Variants in ZEB1 observed in about 807,000 individuals in gnomAD.
ZEB1 encodes the protein zinc finger E-box binding homeobox 1, also known as zinc finger E-box-binding homeobox 1.
ZEB1 carries 21 observed loss-of-function variants against 84.9 expected under a neutral mutation model. The ratio of observed to expected loss-of-function variants is 0.25; its 90% confidence interval spans 0.18 to 0.36. ZEB1 has a LOEUF of 0.36. Among genes scored for constraint, ZEB1 ranks in the 10% least tolerant of loss-of-function variants. The pLI is 1.00. For missense variants in ZEB1, 1,104 were observed against 1,330.2 expected (o/e 0.83, Z 2.65); for synonymous variants, 420 against 471.1 (o/e 0.89, Z 1.41).
chr10:31,461,836 T>C (rs908486943), intron 2 of ZEB1, among the ~76,000 whole-genome samples: 1 of 152,176 alleles, frequency 6.6e-6, no homozygotes, highest in Non-Finnish European at 1.5e-5. Context: ...AATGGAGAAA[T>C]TGGACCTAGT....
rs898827705 is a variant in ZEB1, at chr10:31,529,037, C to T, written c.*1773C>T. The T allele has an allele frequency of 6.6e-6, 1 of 152,130 alleles. No individual in the cohort carries two copies. The highest frequency in any genetic ancestry group is 6.5e-5 in the Admixed American group (1 of 15,276). The allele number at this position is 152,130 out of a possible 1,614,324, so 9.4% of individuals were successfully genotyped here. The stretch of plus-strand genomic sequence containing the variant: ...CCAAATTAGGATTAACTTCTATAAA[C>T]AGTGTTGGGAACAATGTTTAACATT... On this transcript the variant is annotated 3_prime_UTR_variant, in exon 9 of 9. Transcript: ENST00000424869.
chr10:31,514,781 A>C (rs934287755), intron 6 of ZEB1, 73 bp downstream of exon 6: 7 of 1,228,352 alleles, frequency 5.7e-6, no homozygotes, highest in Non-Finnish European at 8.2e-6. Context: ...CATAACATGT[A>C]ATCTACGTAC....
intron 1 of ZEB1, among the ~76,000 whole-genome samples, chr10:31,325,287 A>G (rs1256562794): frequency 6.6e-6 from 1 of 152,166 alleles, no homozygotes; most frequent in East Asian, 1.9e-4. Flanking sequence ...AAATGGAAAG[A>G]TTATGAAAGG....
chr10:31,440,901 A>C (rs187797225), intron 1 of ZEB1, among the ~76,000 whole-genome samples: 2,267 of 152,300 alleles, frequency 0.015, 44 homozygotes, highest in African/African-American at 0.052. Context: ...TCAAGGAAAT[A>C]AAAGAGGATA....
At chr10:31,456,509 G>C (rs2061259166) in intron 1 of ZEB1, among the ~76,000 whole-genome samples, 2 of 152,150 alleles carry the variant, frequency 1.3e-5, no homozygotes, top group Admixed American at 6.5e-5. Context: ...ATCTGCAGTG[G>C]TAAATTGTTA....
chr10:31,372,823 A>G (rs2045949555), intron 1 of ZEB1, among the ~76,000 whole-genome samples: 1 of 151,902 alleles, frequency 6.6e-6, no homozygotes, highest in South Asian at 2.1e-4. Context: ...TGAGGGATTG[A>G]AATTTTCTTA....
intron 1 of ZEB1, among the ~76,000 whole-genome samples, chr10:31,337,057 A>G (rs1353848361): frequency 2.0e-5 from 3 of 152,146 alleles, no homozygotes; most frequent in African/African-American, 4.8e-5. Flanking sequence ...AAAATAAATA[A>G]TAGGATAAGT....
chr10:31,432,656 A>G (rs1271446695), intron 1 of ZEB1, among the ~76,000 whole-genome samples: 1 of 152,200 alleles, frequency 6.6e-6, no homozygotes, highest in Non-Finnish European at 1.5e-5. Context: ...AAATTCTACA[A>G]TTCTCAAAAG....
intron 1 of ZEB1, among the ~76,000 whole-genome samples, chr10:31,371,535 A>C (rs1276274237): frequency 6.6e-6 from 1 of 152,190 alleles, no homozygotes; most frequent in African/African-American, 2.4e-5. Context: ...CTTGATATAA[A>C]GTCTTCTCAG....
chr10:31,319,570 A>AGCCGGC lies in ZEB1; in HGVS notation c.58+283_58+288dup, dbSNP rs528801030. The AGCCGGC allele has an allele frequency of 6.1e-3, 2,475 of 405,488 alleles. 62 individuals are homozygous for AGCCGGC. The highest frequency in any genetic ancestry group is 0.051 in the African/African-American group (2,293 of 44,834). 25.1% of individuals were successfully genotyped at this position (405,488 alleles called of 1,614,324 possible). On this transcript the variant is annotated intron_variant, in intron 1 of 8. Transcript: ENST00000424869. ...GCCCCTGCCGCCTCCCTGGACCGTTAGCCGGCGCCGACGCCGCCGCATCCC... is the reference window on the plus strand; with the variant it reads ...GCCCCTGCCGCCTCCCTGGACCGTTAGCCGGCGCCGGCGCCGACGCCGCCGCATCCC...
intron 1 of ZEB1, among the ~76,000 whole-genome samples, chr10:31,457,974 T>C: frequency 6.6e-6 from 1 of 152,098 alleles, no homozygotes; most frequent in African/African-American, 2.4e-5. Context: ...AAGGTAAGAA[T>C]GGCATCAGCA....
At chr10:31,445,363 A>G (rs1236436354) in intron 1 of ZEB1, among the ~76,000 whole-genome samples, 4 of 149,654 alleles carry the variant, frequency 2.7e-5, no homozygotes, top group Non-Finnish European at 5.9e-5. Flanking sequence ...GTCTGCAAAC[A>G]GGGACAATTT....
chr10:31,503,322 A>G (rs2068431445), intron 4 of ZEB1, among the ~76,000 whole-genome samples: 1 of 152,148 alleles, frequency 6.6e-6, no homozygotes, highest in Non-Finnish European at 1.5e-5. Context: ...TTTGTTATTC[A>G]TTACTTTCAG....
At chr10:31,325,499 A>G (rs376735422) in intron 1 of ZEB1, among the ~76,000 whole-genome samples, 5 of 152,042 alleles carry the variant, frequency 3.3e-5, no homozygotes, top group Admixed American at 2.6e-4. Flanking sequence ...ATTTATTGAG[A>G]CTTGGTACAT....
At chr10:31,448,232 C>T (rs1197810303) in intron 1 of ZEB1, among the ~76,000 whole-genome samples, 4 of 132,102 alleles carry the variant, frequency 3.0e-5, no homozygotes, top group African/African-American at 9.5e-5. Flanking sequence ...GCATTCTTCA[C>T]GTAGTTCTCG....
chr10:31,337,683 G>GTTT (rs756379165), intron 1 of ZEB1, among the ~76,000 whole-genome samples: 3,546 of 98,562 alleles, frequency 0.036, 284 homozygotes, highest in African/African-American at 0.12. Context: ...ATTTCTTTCT[G>GTTT]TTTTTTTTTT....
At chr10:31,404,415 G>A (rs575531138) in intron 1 of ZEB1, among the ~76,000 whole-genome samples, 48 of 152,128 alleles carry the variant, frequency 3.2e-4, no homozygotes, top group African/African-American at 1.1e-3. Flanking sequence ...CAACTTTGTA[G>A]CCTTGAAATC....
chr10:31,428,557 T>C (rs543610585), intron 1 of ZEB1, among the ~76,000 whole-genome samples: 6 of 152,370 alleles, frequency 3.9e-5, no homozygotes, highest in African/African-American at 1.2e-4. Context: ...TGGAGAGTTC[T>C]GTAAATATCT....
intron 2 of ZEB1, among the ~76,000 whole-genome samples, chr10:31,478,604 T>G (rs1191167482): frequency 1.3e-5 from 2 of 152,004 alleles, no homozygotes; most frequent in Non-Finnish European, 2.9e-5. Flanking sequence ...TCAACCTAAG[T>G]GTATATCAGT....
Sources: allele counts gnomAD v4.1 joint callset (sites outside exome capture counted in the v4.1 genomes callset), GRCh38; gene constraint gnomAD v4.1.1; transcripts MANE v1.5; gene names NCBI Gene and HGNC (gene_info 2026-07-23, HGNC 2026-07-21).